Variants in CEP128 observed in about 807,000 individuals in gnomAD.
The protein encoded by CEP128 is centrosomal protein 128.
A neutral mutation model predicts 156.7 loss-of-function variants in CEP128; 132 were observed. The ratio of observed to expected loss-of-function variants is 0.84; its 90% CI spans 0.73 to 0.97. The LOEUF (loss-of-function observed/expected upper bound fraction) is 0.97, where lower values mean the gene tolerates loss of function less well. Ranked by LOEUF, CEP128 falls within the 50% of genes least tolerant of loss-of-function variation. CEP128 has a pLI of 0.00. For synonymous variants in CEP128, 469 were observed against 448.9 expected, an observed-to-expected ratio of 1.04 and a Z score of -0.57; for missense variants, 1,252 against 1,281.9, an observed-to-expected ratio of 0.98 and a Z score of 0.36.
intron 19 of CEP128, among the ~76,000 whole-genome samples, chr14:80,608,068 C>T (rs564027374): frequency 6.6e-6 from 1 of 152,290 alleles, no homozygotes; most frequent in South Asian, 2.1e-4. Flanking sequence ...TTTAATCTTC[C>T]ACTTCATTTA....
chr14:80,895,658 G>T lies in CEP128; in HGVS notation c.645+60C>A. 3.3e-6 allele frequency: 4 copies of T among 1,218,564 alleles called. No homozygotes were observed. In the South Asian group the frequency reaches 5.9e-5, roughly 18 times the overall value. 75.5% of individuals were successfully genotyped at this position (1,218,564 alleles called of 1,614,324 possible). ...CTCTACTAAACTTCACTGTGATTAT[G>T]ACCAGCCTACCCATCCTCTACATGT... On this transcript the variant is annotated intron_variant, in intron 8 of 24. Transcript: ENST00000555265.
At chr14:80,504,759 T>C (rs1306031359) in intron 24 of CEP128, among the ~76,000 whole-genome samples, 153 bp downstream of exon 24, 1 of 152,238 alleles carries the variant, frequency 6.6e-6, no homozygotes, top group African/African-American at 2.4e-5. Flanking sequence ...CTGTGTACTA[T>C]TATGAATATC....
intron 19 of CEP128, among the ~76,000 whole-genome samples, chr14:80,633,539 C>T (rs1348963253): frequency 3.3e-5 from 5 of 152,042 alleles, no homozygotes; most frequent in African/African-American, 4.8e-5. Context: ...CTCATATATG[C>T]CAGGGCCAAA....
chr14:80,735,035 A>C (rs951805307), intron 19 of CEP128, among the ~76,000 whole-genome samples: 1 of 152,124 alleles, frequency 6.6e-6, no homozygotes, highest in Non-Finnish European at 1.5e-5. Flanking sequence ...CAGATGTCAG[A>C]AAACTGAGAG....
Position 80,563,524 on chromosome 14 carries a change from C to CTTTTTTTTTTT in CEP128, c.2857-4233_2857-4223dup, listed in dbSNP as rs540593415. ...GAAGCCTACCCATGGGCCTCCAAAT[C>CTTTTTTTTTTT]TTTTTTTTTTTTTTTTTTTTTTTTT... On this transcript the variant is annotated intron_variant, in intron 20 of 24. Coordinates refer to ENST00000555265, the MANE Select transcript of CEP128 (RefSeq NM_152446.5). Among the ~76,000 whole-genome samples, 406 of 78,872 alleles carry CTTTTTTTTTTT rather than the reference C, an allele frequency of 5.1e-3. 47 individuals carry two copies. The highest frequency in any genetic ancestry group is 0.012 in the East Asian group (24 of 2,050). The allele number at this position is 78,872 out of a possible 152,430, so 51.7% of individuals were successfully genotyped here.
intron 19 of CEP128, among the ~76,000 whole-genome samples, chr14:80,645,292 T>C (rs1317068290): frequency 6.6e-6 from 1 of 152,142 alleles, no homozygotes; most frequent in Admixed American, 6.5e-5. Context: ...ATCCAATACA[T>C]GTTACTGTTT....
chr14:80,554,985 G>A (rs1890368635), intron 21 of CEP128, among the ~76,000 whole-genome samples: 3 of 151,990 alleles, frequency 2.0e-5, no homozygotes. Context: ...GTACTGACCA[G>A]TATGAACTAA....
chr14:80,484,319 C>A (rs1887114083), intron 14 of CEP128, among the ~76,000 whole-genome samples: 1 of 152,124 alleles, frequency 6.6e-6, no homozygotes, highest in African/African-American at 2.4e-5. Context: ...ATATGCTAGA[C>A]CTCTGGCTAC....
chr14:80,725,946 T>A (rs1008076138), intron 19 of CEP128, among the ~76,000 whole-genome samples: 1 of 152,220 alleles, frequency 6.6e-6, no homozygotes, highest in Non-Finnish European at 1.5e-5. Flanking sequence ...TTCAATTACA[T>A]TCCTTTACCT....
At chr14:80,863,960 G>A (rs117122915) in intron 8 of CEP128, among the ~76,000 whole-genome samples, 3,519 of 152,236 alleles carry the variant, frequency 0.023, 72 homozygotes, top group Non-Finnish European at 0.035. Flanking sequence ...TTGAACAACA[G>A]GGATTTTAAC....
intron 19 of CEP128, among the ~76,000 whole-genome samples, chr14:80,716,324 T>A (rs1394472642): frequency 6.6e-6 from 1 of 152,174 alleles, no homozygotes; most frequent in Non-Finnish European, 1.5e-5. Context: ...TTTTAAAACA[T>A]GTTGTTACCC....
downstream of CEP128, among the ~76,000 whole-genome samples, chr14:80,492,382 A>C (rs950480911): frequency 5.3e-5 from 8 of 152,164 alleles, no homozygotes; most frequent in East Asian, 5.8e-4. Flanking sequence ...TTCATGTATT[A>C]ATCTCACTAA....
At chr14:80,846,527 TC>T (rs1196019960) in intron 9 of CEP128, among the ~76,000 whole-genome samples, 2 of 152,158 alleles carry the variant, frequency 1.3e-5, no homozygotes, top group African/African-American at 4.8e-5. Flanking sequence ...AGCAAATTGA[TC>T]AACCCCGGAA....
At chr14:80,624,392 T>G (rs573665355) in intron 19 of CEP128, among the ~76,000 whole-genome samples, 1 of 152,318 alleles carries the variant, frequency 6.6e-6, no homozygotes, top group African/African-American at 2.4e-5. Context: ...AACATTGGGG[T>G]GCAGGTACCT....
intron 16 of CEP128, among the ~76,000 whole-genome samples, chr14:80,768,670 G>A (rs1900362953): frequency 6.6e-6 from 1 of 152,176 alleles, no homozygotes; most frequent in Non-Finnish European, 1.5e-5. Flanking sequence ...AAGATTTGAT[G>A]CAGGTTAAAA....
At chr14:80,836,401 G>A (rs147907417) in intron 11 of CEP128, 64 bp from the exon 12 acceptor site, 2 of 1,585,080 alleles carry the variant, frequency 1.3e-6, no homozygotes, top group Non-Finnish European at 8.6e-7. Flanking sequence ...CTTCAAATGG[G>A]CTATTGTAAA....
chr14:80,536,094 A>AT (rs1183090368), intron 21 of CEP128, among the ~76,000 whole-genome samples: 1 of 152,176 alleles, frequency 6.6e-6, no homozygotes, highest in African/African-American at 2.4e-5. Context: ...TCCACAGTAC[A>AT]TTTTTCCTTA....
chr14:80,908,249 T>A (rs1197811157), intron 4 of CEP128, among the ~76,000 whole-genome samples: 3 of 152,210 alleles, frequency 2.0e-5, no homozygotes, highest in Non-Finnish European at 4.4e-5. Context: ...TTCTCAGGCA[T>A]CATCTTTTCA....
chr14:80,886,217 T>A (rs1888791363), intron 8 of CEP128, among the ~76,000 whole-genome samples: 1 of 152,084 alleles, frequency 6.6e-6, no homozygotes, highest in Admixed American at 6.6e-5. Context: ...CAGGATATTA[T>A]CCAGGAGAAC....
Sources: allele counts gnomAD v4.1 joint callset (sites outside exome capture counted in the v4.1 genomes callset), GRCh38; gene constraint gnomAD v4.1.1; transcripts MANE v1.5; gene names NCBI Gene and HGNC (gene_info 2026-07-23, HGNC 2026-07-21).